Variants in CACNB2 observed in about 807,000 individuals in gnomAD.
CACNB2 encodes the protein calcium voltage-gated channel auxiliary subunit beta 2, also known as voltage-dependent L-type calcium channel subunit beta-2.
In CACNB2, 42 loss-of-function variants were observed where a neutral mutation model predicts 73.3. The observed-to-expected ratio is 0.57, with a 90% CI of 0.45 to 0.74. The LOEUF is 0.74. CACNB2 is among the 30% of genes least tolerant of loss of function. The pLI is 0.00. For synonymous variants in CACNB2, 348 were observed against 310.3 expected, an observed-to-expected ratio of 1.12 and a Z score of -1.28; for missense variants, 940 against 853.0, an observed-to-expected ratio of 1.10 and a Z score of -1.27.
rs928790439 is a variant in CACNB2, at chr10:18,490,845, G to A, written c.334-7510G>A. Among the ~76,000 whole-genome samples the A allele has an allele frequency of 2.7e-5, 4 of 147,360 alleles. No homozygotes were observed. The South Asian group carries it at 6.4e-4, about 24-fold the overall frequency. ...CAAGCCTTTCTGATAAACCCGGGCCGGTGGGGGAGGGGGGAGGGTGGAGTT... is the reference window on the plus strand; with the variant it reads ...CAAGCCTTTCTGATAAACCCGGGCCAGTGGGGGAGGGGGGAGGGTGGAGTT... On this transcript the variant is annotated intron_variant, in intron 3 of 13. Transcript: ENST00000324631.
chr10:18,448,479 TAAAA>T (rs56255761), intron 3 of CACNB2, among the ~76,000 whole-genome samples: 3,576 of 107,050 alleles, frequency 0.033, 185 homozygotes, highest in African/African-American at 0.12. Flanking sequence ...CTCTCTCATT[TAAAA>T]AAAAAAAAAA....
At chr10:18,178,765 C>T (rs2033729627) in intron 2 of CACNB2, among the ~76,000 whole-genome samples, 1 of 152,090 alleles carries the variant, frequency 6.6e-6, no homozygotes, top group East Asian at 1.9e-4. Context: ...TTTGTGTTGC[C>T]ATGGGGATGG....
chr10:18,444,734 A>C (rs2046649924), intron 3 of CACNB2, among the ~76,000 whole-genome samples: 1 of 152,326 alleles, frequency 6.6e-6, no homozygotes, highest in Admixed American at 6.5e-5. Flanking sequence ...ACAGCTTGAC[A>C]AAGATTGCTG....
intron 2 of CACNB2, among the ~76,000 whole-genome samples, chr10:18,379,984 GC>G: frequency 6.6e-6 from 1 of 152,114 alleles, no homozygotes; most frequent in Non-Finnish European, 1.5e-5. Flanking sequence ...ACCACACCTG[GC>G]CCACTATTCT....
chr10:18,318,485 T>C (rs532566271), intron 2 of CACNB2, among the ~76,000 whole-genome samples: 1 of 152,294 alleles, frequency 6.6e-6, no homozygotes, highest in African/African-American at 2.4e-5. Flanking sequence ...CAAGGTGGAT[T>C]AAAGACTTAA....
chr10:18,437,947 A>G (rs1325938425), intron 3 of CACNB2, among the ~76,000 whole-genome samples: 1 of 151,028 alleles, frequency 6.6e-6, no homozygotes, highest in East Asian at 1.9e-4. Flanking sequence ...AAATGTATTA[A>G]AACTCAGGGG....
chr10:18,356,928 C>T (rs544166836), intron 2 of CACNB2, among the ~76,000 whole-genome samples: 2 of 139,274 alleles, frequency 1.4e-5, no homozygotes, highest in African/African-American at 5.3e-5. Context: ...CTGTGCCTGG[C>T]CCAGACTCAA....
At chr10:18,192,553 G>T (rs980312799) in intron 2 of CACNB2, among the ~76,000 whole-genome samples, 1 of 152,004 alleles carries the variant, frequency 6.6e-6, no homozygotes, top group African/African-American at 2.4e-5. Context: ...ATACATTCAC[G>T]ATGTTGTGTA....
At chr10:18,237,955 G>T (rs1469899254) in intron 2 of CACNB2, among the ~76,000 whole-genome samples, 1 of 152,164 alleles carries the variant, frequency 6.6e-6, no homozygotes, top group Non-Finnish European at 1.5e-5. Context: ...GATTGTAAAG[G>T]CTCCCATAGC....
intron 3 of CACNB2, among the ~76,000 whole-genome samples, chr10:18,410,539 T>G (rs976959663): frequency 6.6e-6 from 1 of 152,192 alleles, no homozygotes; most frequent in Non-Finnish European, 1.5e-5. Context: ...TTTAAAAATA[T>G]GTCTTATTGT....
chr10:18,419,308 T>C (rs1374772484), intron 3 of CACNB2, among the ~76,000 whole-genome samples: 1 of 152,018 alleles, frequency 6.6e-6, no homozygotes, highest in Non-Finnish European at 1.5e-5. Flanking sequence ...CTCCAGGTGC[T>C]GTATTCAGCA....
At position 18,336,945 on chromosome 10, in the gene CACNB2, AG is replaced by A. The variant is rs550360069; in HGVS notation, c.214-64978del. ...AAAGTACTAAATTTTTTAAAAGGAA[AG>A]AAAAAATAAATACCCTCAAACCACT... On this transcript the variant is annotated intron_variant, in intron 2 of 13. Coordinates refer to ENST00000324631, the MANE Select transcript of CACNB2 (RefSeq NM_201596.3). 3.9e-3 allele frequency among the ~76,000 whole-genome samples: 601 copies of A among 152,334 alleles called. 3 individuals carry two copies. The highest frequency in any genetic ancestry group is 0.014 in the African/African-American group (585 of 41,568).
At chr10:18,483,174 C>T (rs1377813610) in intron 3 of CACNB2, among the ~76,000 whole-genome samples, 1 of 151,972 alleles carries the variant, frequency 6.6e-6, no homozygotes, top group East Asian at 1.9e-4. Flanking sequence ...TAATCTAATC[C>T]CTGCCAAAAC....
intron 2 of CACNB2, among the ~76,000 whole-genome samples, chr10:18,348,769 C>T (rs1224212343): frequency 1.3e-5 from 2 of 152,180 alleles, no homozygotes; most frequent in Non-Finnish European, 2.9e-5. Flanking sequence ...TCTCAAAATG[C>T]TGAGATTACA....
intron 2 of CACNB2, among the ~76,000 whole-genome samples, chr10:18,297,076 A>C (rs1180947195): frequency 6.6e-6 from 1 of 152,180 alleles, no homozygotes; most frequent in East Asian, 1.9e-4. Context: ...TTTCTTTTCC[A>C]ATCCTACTGC....
In CACNB2 at chr10:18,541,466, A is replaced by AAGAC. The variant is rs1165651288; in HGVS notation, c.*1745_*1748dup. On this transcript the variant is annotated 3_prime_UTR_variant, in exon 14 of 14. Coordinates refer to ENST00000324631, the MANE Select transcript of CACNB2 (RefSeq NM_201596.3). ...TTTTGTCCAGTTATAACTGGATGGT[A>AAGAC]AGACAGTATTAAGAGTGCAAGTACC... The AAGAC allele has an allele frequency of 6.6e-6, 1 of 152,194 alleles. No individual in the cohort carries two copies. Among genetic ancestry groups the AAGAC allele is most frequent in the African/African-American group, 2.4e-5 (1 of 41,446 alleles). The allele number at this position is 152,194 out of a possible 1,614,324, so 9.4% of individuals were successfully genotyped here.
In CACNB2 at chr10:18,505,797, A is replaced by C. The variant is rs141334439; in HGVS notation, c.594-674A>C. Among the ~76,000 whole-genome samples the C allele has an allele frequency of 7.1e-4, 108 of 152,316 alleles. 1 individual carries two copies. In the East Asian group the frequency reaches 0.015, roughly 21 times the overall value. On this transcript the variant is annotated intron_variant, in intron 5 of 13. Coordinates refer to ENST00000324631, the MANE Select transcript of CACNB2 (RefSeq NM_201596.3). ...TGAGACACTGCAGTATATCATATCA[A>C]ACTTTCAAATTTGGTAGTTCGGAAA...
At chr10:18,255,099 G>T (rs193156010) in intron 2 of CACNB2, among the ~76,000 whole-genome samples, 2 of 152,264 alleles carry the variant, frequency 1.3e-5, no homozygotes, top group East Asian at 3.9e-4. Context: ...TCCTGCCAAA[G>T]TGGATTTTAA....
intron 2 of CACNB2, among the ~76,000 whole-genome samples, chr10:18,322,362 C>T (rs537208423): frequency 1.3e-5 from 2 of 152,112 alleles, no homozygotes; most frequent in Non-Finnish European, 2.9e-5. Flanking sequence ...TTGTAAAAAG[C>T]AGGCAGTGAG....
Sources: gnomAD v4.1 joint callset for allele counts (sites outside exome capture counted in the v4.1 genomes callset) on GRCh38, gnomAD v4.1.1 for gene constraint, MANE v1.5 for transcripts, NCBI Gene and HGNC (gene_info 2026-07-23, HGNC 2026-07-21) for gene names.